DEDD: variants seen among roughly 807,000 people sequenced by gnomAD.
The protein encoded by DEDD is death effector domain containing.
In DEDD, 3 loss-of-function variants were observed where a neutral mutation model predicts 29.2. The ratio of observed to expected loss-of-function variants is 0.10; its 90% CI spans 0.05 to 0.27. DEDD has a LOEUF of 0.27. Ranked by LOEUF, DEDD falls within the 10% of genes least tolerant of loss-of-function variation. The probability of loss-of-function intolerance (pLI) is 1.00; values close to 1 mark genes in which losing one functional copy is unlikely to be tolerated. For missense variants in DEDD, 261 were observed against 420.5 expected (o/e 0.62, Z 3.32); for synonymous variants, 152 against 161.3 (o/e 0.94, Z 0.44).
chr1:161,132,471 C>T (rs1050888573), intron 1 of DEDD, 80 bp downstream of exon 1: 1 of 155,400 alleles, frequency 6.4e-6, no homozygotes, highest in African/African-American at 2.4e-5. Context: ...TTTCCTTCCC[C>T]AAGCCCTTTG....
intron 1 of DEDD, among the ~76,000 whole-genome samples, chr1:161,131,669 G>A (rs1467928783): frequency 1.3e-5 from 2 of 152,120 alleles, no homozygotes; most frequent in Non-Finnish European, 2.9e-5. Context: ...CAGTAAGCTA[G>A]GGAGTCTTTT....
Position 161,122,004 on chromosome 1 carries a change from CTT to C in DEDD, c.*141_*142del, listed in dbSNP as rs756833436. The C allele has an allele frequency of 2.7e-4, 314 of 1,168,666 alleles. No individual in the cohort carries two copies. Among genetic ancestry groups the C allele is most frequent in the South Asian group, 5.4e-4 (34 of 62,896 alleles). 72.4% of individuals were successfully genotyped at this position (1,168,666 alleles called of 1,614,324 possible). ...GGAGGGGTGGGGAATACCACTTCCACTTTCTTTTGTCTTTTTCTTTAAAAAAA... is the reference window on the plus strand; with the variant it reads ...GGAGGGGTGGGGAATACCACTTCCACTCTTTTGTCTTTTTCTTTAAAAAAA... On this transcript the variant is annotated 3_prime_UTR_variant, in exon 6 of 6. Transcript: ENST00000368006. The surrounding 1 kb of genome is among the most constrained non-coding windows in gnomAD (Gnocchi z 4.2).
Position 161,122,306 on chromosome 1 carries a change from G to C in DEDD, c.798C>G (p.Gly266=). The C allele has an allele frequency of 6.2e-7, 1 of 1,614,226 alleles. No homozygotes were observed. The highest frequency in any genetic ancestry group is 2.2e-5 in the East Asian group (1 of 44,894). The change falls in exon 6 of 6, where the codon GGC becomes GGG. Residue 266 remains glycine, a synonymous_variant. Coordinates refer to ENST00000368006, the MANE Select transcript of DEDD (RefSeq NM_032998.3). The surrounding 1 kb of genome is among the most constrained non-coding windows in gnomAD (Gnocchi z 4.2). The stretch of plus-strand genomic sequence containing the variant: ...CACCTTTAAGTGCCTCTAATAAAGA[G>C]CCATTGATGTAGTCACGCCAGAATG... The part of the protein sequence containing the change: ...LDAFWRDYIN[G]SLLEALKGVF...
At chr1:161,123,748 C>T in intron 4 of DEDD, 91 bp downstream of exon 4, 4 of 1,177,066 alleles carry the variant, frequency 3.4e-6, no homozygotes, top group Non-Finnish European at 4.9e-6. Flanking sequence ...GCACAGCATC[C>T]TTTCATTTAA....
Position 161,121,101 on chromosome 1 carries a change from G to A in DEDD, c.*1046C>T, listed in dbSNP as rs1056647190. The stretch of plus-strand genomic sequence containing the variant: ...GACATCGCCTTTGGGAACTAGAAGG[G>A]GAGTTGGTATTGTACCAGCTGGACT... On this transcript the variant is annotated 3_prime_UTR_variant, in exon 6 of 6. Coordinates refer to ENST00000368006, the MANE Select transcript of DEDD (RefSeq NM_032998.3). 24 of 1,152,080 alleles carry A rather than the reference G, an allele frequency of 2.1e-5. No individual in the cohort carries two copies. Among genetic ancestry groups the A allele is most frequent in the South Asian group, 4.1e-5 (2 of 49,374 alleles). The allele number at this position is 1,152,080 out of a possible 1,614,324, so 71.4% of individuals were successfully genotyped here.
intron 4 of DEDD, among the ~76,000 whole-genome samples, 176 bp from the exon 5 acceptor site, chr1:161,123,397 T>C (rs988991478): frequency 6.6e-6 from 1 of 152,116 alleles, no homozygotes; most frequent in South Asian, 2.1e-4. Context: ...CCCAGCACTT[T>C]GGGAGGCCAA....
Position 161,123,782 on chromosome 1 carries a change from G to A in DEDD, c.433+57C>T. ...AAGCTGGCAAAGCCCAGAATGTGAT[G>A]GGATCAGTGTCCTTTTACTTGATGA... On this transcript the variant is annotated intron_variant, in intron 4 of 5. Coordinates refer to ENST00000368006, the MANE Select transcript of DEDD (RefSeq NM_032998.3). The A allele has an allele frequency of 3.5e-6, 5 of 1,440,894 alleles. No homozygotes were observed. In the South Asian group the frequency reaches 6.0e-5, roughly 17 times the overall value. The allele number at this position is 1,440,894 out of a possible 1,614,324, so 89.3% of individuals were successfully genotyped here. A position where few individuals can be genotyped will look rare whatever the true frequency, so the allele number is the denominator to read the frequency against.
rs1460698652 is a variant in DEDD at position 161,121,508 on chromosome 1, G to A, written c.*639C>T. 6.5e-6 allele frequency: 1 copy of A among 153,912 alleles called. No individual in the cohort carries two copies. The highest frequency in any genetic ancestry group is 1.4e-5 in the Non-Finnish European group (1 of 69,206). The allele number at this position is 153,912 out of a possible 1,614,324, so 9.5% of individuals were successfully genotyped here. On this transcript the variant is annotated 3_prime_UTR_variant, in exon 6 of 6. Transcript: ENST00000368006. Reference sequence around the variant, plus strand: ...TGACTAGGCTGACCCAGTCTTATCTGTTCCTCCTTTGAAGAGGGTTTGACA... The same window carrying A: ...TGACTAGGCTGACCCAGTCTTATCTATTCCTCCTTTGAAGAGGGTTTGACA...
chr1:161,131,149 G>A (rs1467970435), intron 1 of DEDD: 1 of 152,124 alleles, frequency 6.6e-6, no homozygotes, highest in African/African-American at 2.4e-5. Flanking sequence ...TTACCCTCTG[G>A]CAGCTTCTCA....
At chr1:161,123,656 CAA>C (rs1264671380) in intron 4 of DEDD, among the ~76,000 whole-genome samples, 181 bp downstream of exon 4, 1 of 143,784 alleles carries the variant, frequency 7.0e-6, no homozygotes, top group Non-Finnish European at 1.5e-5. Context: ...AAAAAAAAGA[CAA>C]GACATGTGAG....
At chr1:161,128,897 T>TC (rs757871479) in intron 2 of DEDD, among the ~76,000 whole-genome samples, 1 of 152,138 alleles carries the variant, frequency 6.6e-6, no homozygotes, top group Non-Finnish European at 1.5e-5. Flanking sequence ...CAACCTTGGG[T>TC]CCTCTGTCAC....
Position 161,125,209 on chromosome 1 carries a change from A to G in DEDD, c.-64-683T>C, listed in dbSNP as rs534578504. ...GTGCTGTCATCTATAAACAGGGATG[A>G]ATGAATATACACCTCAGAGTTGTTA... On this transcript the variant is annotated intron_variant, in intron 2 of 5. Transcript: ENST00000368006. 6 of 152,336 alleles carry G rather than the reference A, an allele frequency of 3.9e-5. No individual in the cohort carries two copies. In the South Asian group the frequency reaches 6.2e-4, roughly 16 times the overall value. The allele number at this position is 152,336 out of a possible 1,614,324, so 9.4% of individuals were successfully genotyped here.
chr1:161,121,361 C>A lies in DEDD; in HGVS notation c.*786G>T. The A allele has an allele frequency of 5.5e-6, 1 of 181,552 alleles. No homozygotes were observed. Among genetic ancestry groups the A allele is most frequent in the Non-Finnish European group, 1.1e-5 (1 of 94,628 alleles). The allele number at this position is 181,552 out of a possible 1,614,324, so 11.2% of individuals were successfully genotyped here. A position where few individuals can be genotyped will look rare whatever the true frequency, so the allele number is the denominator to read the frequency against. ...GGTACATTATTTATTTTCACTTGAACATGGAAAGAAAGTGTCACACTCCCC... is the reference window on the plus strand; with the variant it reads ...GGTACATTATTTATTTTCACTTGAAAATGGAAAGAAAGTGTCACACTCCCC... On this transcript the variant is annotated 3_prime_UTR_variant, in exon 6 of 6. Coordinates refer to ENST00000368006, the MANE Select transcript of DEDD (RefSeq NM_032998.3).
At position 161,121,532 on chromosome 1, in the gene DEDD, C is replaced by G. The variant is rs969297079; in HGVS notation, c.*615G>C. 6.5e-6 allele frequency: 1 copy of G among 153,722 alleles called. No individual in the cohort carries two copies. Among genetic ancestry groups the G allele is most frequent in the Non-Finnish European group, 1.4e-5 (1 of 69,300 alleles). The allele number at this position is 153,722 out of a possible 1,614,324, so 9.5% of individuals were successfully genotyped here. ...TGTTCCTCCTTTGAAGAGGGTTTGACAAATGGGAAAAAGGAAGGAGCCACA... is the reference window on the plus strand; with the variant it reads ...TGTTCCTCCTTTGAAGAGGGTTTGAGAAATGGGAAAAAGGAAGGAGCCACA... On this transcript the variant is annotated 3_prime_UTR_variant, in exon 6 of 6. Transcript: ENST00000368006.
intron 1 of DEDD, chr1:161,131,971 C>T: frequency 6.6e-6 from 1 of 152,576 alleles, no homozygotes; most frequent in Non-Finnish European, 1.5e-5. Flanking sequence ...CACCGACACT[C>T]TCTCCATTCC....
At chr1:161,130,462 G>A (rs915508406) in intron 2 of DEDD, among the ~76,000 whole-genome samples, 1 of 152,076 alleles carries the variant, frequency 6.6e-6, no homozygotes, top group Admixed American at 6.6e-5. Context: ...CCCACGGAAG[G>A]AAGGTGTCCC....
At chr1:161,132,119 C>G (rs1055073054) in intron 1 of DEDD, 1 of 153,098 alleles carries the variant, frequency 6.5e-6, no homozygotes, top group Non-Finnish European at 1.5e-5. Flanking sequence ...CTCGCAACAC[C>G]CCTCATCAGA....
chr1:161,123,396 T>C (rs956083788), intron 4 of DEDD, among the ~76,000 whole-genome samples, 175 bp from the exon 5 acceptor site: 2 of 152,040 alleles, frequency 1.3e-5, no homozygotes, highest in Admixed American at 1.3e-4. Context: ...TCCCAGCACT[T>C]TGGGAGGCCA....
Position 161,122,014 on chromosome 1 carries a change from T to G in DEDD, c.*133A>C. The G allele has an allele frequency of 6.5e-6, 8 of 1,236,536 alleles. No individual in the cohort carries two copies. The highest frequency in any genetic ancestry group is 8.8e-6 in the Non-Finnish European group (8 of 904,626). The allele number at this position is 1,236,536 out of a possible 1,614,324, so 76.6% of individuals were successfully genotyped here. ...GGAATACCACTTCCACTTTCTTTTG[T>G]CTTTTTCTTTAAAAAAAAAAAAAAA... is the stretch of plus-strand genomic sequence containing the variant. On this transcript the variant is annotated 3_prime_UTR_variant, in exon 6 of 6. Coordinates refer to ENST00000368006, the MANE Select transcript of DEDD (RefSeq NM_032998.3). The surrounding 1 kb of genome is among the most constrained non-coding windows in gnomAD (Gnocchi z 4.2).
Sources: gnomAD v4.1 joint callset for allele counts (sites outside exome capture counted in the v4.1 genomes callset) on GRCh38, gnomAD v4.1.1 for gene constraint, Gnocchi (gnomAD v3.1) non-coding constraint, MANE v1.5 for transcripts, NCBI Gene and HGNC (gene_info 2026-07-23, HGNC 2026-07-21) for gene names.